ACACA: variants seen among roughly 807,000 people sequenced by gnomAD.
ACACA encodes the protein acetyl-CoA carboxylase alpha, also known as acetyl-CoA carboxylase 1.
Under a neutral mutation model 296.1 loss-of-function variants are expected in ACACA, and 103 were observed. The ratio of observed to expected loss-of-function variants is 0.35; its 90% confidence interval spans 0.30 to 0.41. ACACA has a LOEUF of 0.41. Among genes scored for constraint, ACACA ranks in the 10% least tolerant of loss-of-function variants. The pLI, the probability that ACACA is intolerant of heterozygous loss-of-function variation, is 1.00. For synonymous variants in ACACA, 953 were observed against 1,038.6 expected (o/e 0.92, Z 1.58); for missense variants, 1,554 against 2,989.7 (o/e 0.52, Z 11.20).
chr17:37,254,027 T>C (rs2081113929), intron 14 of ACACA, among the ~76,000 whole-genome samples: 1 of 152,228 alleles, frequency 6.6e-6, no homozygotes, highest in South Asian at 2.1e-4. Flanking sequence ...GGCTTTTCTG[T>C]ATATTTATGC....
chr17:37,163,219 G>C (rs1381444403), intron 41 of ACACA: 2 of 63,672 alleles, frequency 3.1e-5, no homozygotes, highest in Non-Finnish European at 5.1e-5. Context: ...AAAAAAAAGA[G>C]TGTAGCACTT....
At chr17:37,282,873 AT>A (rs1300248801) in intron 5 of ACACA, among the ~76,000 whole-genome samples, 1 of 152,220 alleles carries the variant, frequency 6.6e-6, no homozygotes, top group Non-Finnish European at 1.5e-5. Flanking sequence ...GAAAAAAAAA[AT>A]CTTAACCCAA....
chr17:37,392,027 C>T lies in ACACA; in HGVS notation c.38+14235G>A, dbSNP rs912775807. ...GAATGGACCTTACTACTCTCTTTGACAGAAGACTCAAACACAGCCTCTAAG... is the reference window on the plus strand; with the variant it reads ...GAATGGACCTTACTACTCTCTTTGATAGAAGACTCAAACACAGCCTCTAAG... On this transcript the variant is annotated intron_variant, in intron 1 of 55. Transcript: ENST00000616317. The T allele has an allele frequency of 1.8e-5, 6 of 325,160 alleles. No homozygotes were observed. In the South Asian group the frequency reaches 4.7e-4, roughly 25 times the overall value. 20.1% of individuals were successfully genotyped at this position (325,160 alleles called of 1,614,324 possible). A position where few individuals can be genotyped will look rare whatever the true frequency, so the allele number is the denominator to read the frequency against.
chr17:37,273,737 A>T (rs2082160815), intron 9 of ACACA, among the ~76,000 whole-genome samples: 2 of 152,208 alleles, frequency 1.3e-5, no homozygotes, highest in Admixed American at 1.3e-4. Flanking sequence ...TACACACTTA[A>T]GCCATTTTCA....
intron 18 of ACACA, among the ~76,000 whole-genome samples, chr17:37,247,403 T>C (rs894136011): frequency 6.6e-6 from 1 of 152,064 alleles, no homozygotes; most frequent in Non-Finnish European, 1.5e-5. Flanking sequence ...GTTTTGCTCT[T>C]GTTGCCCAGA....
chr17:37,101,513 T>A (rs992864726), intron 52 of ACACA, among the ~76,000 whole-genome samples: 4 of 152,170 alleles, frequency 2.6e-5, no homozygotes, highest in Non-Finnish European at 5.9e-5. Context: ...CTTACCAAGG[T>A]CACAAAGCTA....
intron 42 of ACACA, among the ~76,000 whole-genome samples, chr17:37,159,297 G>A (rs931934716): frequency 3.3e-5 from 5 of 151,954 alleles, no homozygotes; most frequent in African/African-American, 4.8e-5. Flanking sequence ...CTGGCTCACT[G>A]CAACCTCCAC....
intron 52 of ACACA, among the ~76,000 whole-genome samples, chr17:37,099,383 C>T (rs915054720): frequency 7.2e-5 from 11 of 152,198 alleles, no homozygotes; most frequent in East Asian, 3.9e-4. Context: ...ATGAACGCAC[C>T]GGGCCCCACA....
intron 29 of ACACA, among the ~76,000 whole-genome samples, chr17:37,217,527 A>G (rs751153786): frequency 1.2e-4 from 18 of 151,836 alleles, no homozygotes; most frequent in Non-Finnish European, 1.9e-4. Flanking sequence ...CAAGGTAATG[A>G]GATCGAGACC....
rs200129602 is a variant in ACACA at position 37,224,966 on chromosome 17, T to TTATA, written c.3474+22_3474+25dup. The TTATA allele has an allele frequency of 5.6e-3, 5,133 of 910,618 alleles. 27 individuals carry two copies. Among genetic ancestry groups the TTATA allele is most frequent in the African/African-American group, 0.032 (1,759 of 55,206 alleles). 56.4% of individuals were successfully genotyped at this position (910,618 alleles called of 1,614,324 possible). The stretch of plus-strand genomic sequence containing the variant: ...AAGAGTCCAGATAGGCAGGAAAGGG[T>TTATA]TATATATATATATATATATATATAC... On this transcript the variant is annotated intron_variant, in intron 27 of 55. Coordinates refer to ENST00000616317, the MANE Select transcript of ACACA (RefSeq NM_198834.3).
chr17:37,333,445 A>G (rs990568087), intron 2 of ACACA, among the ~76,000 whole-genome samples: 1 of 152,128 alleles, frequency 6.6e-6, no homozygotes, highest in Non-Finnish European at 1.5e-5. Flanking sequence ...TGCTTATAGA[A>G]GGACACCTAG....
intron 1 of ACACA, among the ~76,000 whole-genome samples, chr17:37,403,815 G>C (rs2051371802): frequency 6.6e-6 from 1 of 152,132 alleles, no homozygotes; most frequent in African/African-American, 2.4e-5. Context: ...CTCTTGCTCT[G>C]TTGAACAGGC....
At chr17:37,221,438 T>C in intron 29 of ACACA, 1 of 448,050 alleles carries the variant, frequency 2.2e-6, no homozygotes, top group South Asian at 2.5e-5. Context: ...AGTAAAATGC[T>C]AGTAAATTCT....
chr17:37,100,414 A>G (rs567654473), intron 52 of ACACA, among the ~76,000 whole-genome samples: 1 of 152,306 alleles, frequency 6.6e-6, no homozygotes, highest in South Asian at 2.1e-4. Flanking sequence ...AGGACAGAAC[A>G]TGACTTCCGC....
At chr17:37,355,907 G>A (rs1046867031) in intron 1 of ACACA, among the ~76,000 whole-genome samples, 4 of 151,402 alleles carry the variant, frequency 2.6e-5, no homozygotes, top group East Asian at 2.0e-4. Flanking sequence ...GGTGGCTCAC[G>A]CCTGTAATCC....
chr17:37,173,997 TATATATA>T lies in ACACA; in HGVS notation c.5079+5256_5079+5262del, dbSNP rs2076990519. Among the ~76,000 whole-genome samples the T allele has an allele frequency of 2.1e-3, 24 of 11,614 alleles. 2 individuals carry two copies. The highest frequency in any genetic ancestry group is 5.4e-3 in the African/African-American group (21 of 3,914). 7.6% of individuals were successfully genotyped at this position (11,614 alleles called of 152,430 possible). On this transcript the variant is annotated intron_variant, in intron 41 of 55. Coordinates refer to ENST00000616317, the MANE Select transcript of ACACA (RefSeq NM_198834.3). Reference sequence around the variant, plus strand: ...CCTGGCTAATTTATATATATATATATATATATATATATATATATATATATTTTTTTTT... The same window carrying T: ...CCTGGCTAATTTATATATATATATATTATATATATATATATATTTTTTTTT...
chr17:37,088,788 G>C (rs2072401432), intron 55 of ACACA, 150 bp downstream of exon 55: 1 of 1,074,022 alleles, frequency 9.3e-7, no homozygotes, highest in Non-Finnish European at 1.4e-6. Context: ...GGCCATATCT[G>C]TACCTGTGGG....
At chr17:37,380,949 C>A (rs1000651047) in intron 1 of ACACA, among the ~76,000 whole-genome samples, 4 of 150,866 alleles carry the variant, frequency 2.7e-5, no homozygotes. Flanking sequence ...AATATTCAAA[C>A]AGTATAGATT....
At chr17:37,268,733 C>CTATATATATATA (rs1402309165) in intron 10 of ACACA, among the ~76,000 whole-genome samples, 18 of 70,806 alleles carry the variant, frequency 2.5e-4, no homozygotes, top group East Asian at 1.7e-3. Context: ...ATCTATCTAT[C>CTATATATATATA]TATCTATCTA....
Sources: allele counts gnomAD v4.1 joint callset (sites outside exome capture counted in the v4.1 genomes callset), GRCh38; gene constraint gnomAD v4.1.1; transcripts MANE v1.5; gene names NCBI Gene and HGNC (gene_info 2026-07-23, HGNC 2026-07-21).